The following CLASP1 variants were observed in gnomAD, a reference collection of about 807,000 sequenced individuals.
CLASP1 encodes the protein cytoplasmic linker associated protein 1, also known as CLIP-associating protein 1.
CLASP1 carries 38 observed loss-of-function variants against 192.3 expected under a neutral mutation model. The ratio of observed to expected loss-of-function variants is 0.20; its 90% CI spans 0.15 to 0.26. The LOEUF (loss-of-function observed/expected upper bound fraction) is 0.26. CLASP1 is among the 10% of genes least tolerant of loss of function. The probability of loss-of-function intolerance (pLI) is 1.00; values close to 1 mark genes in which losing one functional copy is unlikely to be tolerated. For missense variants in CLASP1, 1,433 were observed against 1,932.5 expected (o/e 0.74, Z 4.85); for synonymous variants, 691 against 712.8 (o/e 0.97, Z 0.49).
At chr2:121,427,707 G>A (rs75668206) in intron 20 of CLASP1, among the ~76,000 whole-genome samples, 1,734 of 152,246 alleles carry the variant, frequency 0.011, 49 homozygotes, top group Admixed American at 0.063. Context: ...CAACCTGAGG[G>A]AAGTGATTGT....
At chr2:121,526,639 A>C (rs1239521623) in intron 5 of CLASP1, among the ~76,000 whole-genome samples, 2 of 152,236 alleles carry the variant, frequency 1.3e-5, no homozygotes, top group Non-Finnish European at 2.9e-5. Context: ...TAAGATGGAA[A>C]AAATTTACAA....
At chr2:121,367,548 G>A (rs772833206) in intron 35 of CLASP1, 40 bp downstream of exon 36, 2 of 1,611,904 alleles carry the variant, frequency 1.2e-6, no homozygotes, top group African/African-American at 1.3e-5. Flanking sequence ...CACAAGGGAA[G>A]CACTTCTGGG....
rs2092367494 is a variant in CLASP1, at chr2:121,479,059, CA to C, written c.713-9100del. Among the ~76,000 whole-genome samples the C allele has an allele frequency of 1.3e-4, 11 of 84,232 alleles. 1 individual carries two copies. The highest frequency in any genetic ancestry group is 2.6e-4 in the African/African-American group (5 of 18,868). 55.3% of individuals were successfully genotyped at this position (84,232 alleles called of 152,430 possible). On this transcript the variant is annotated intron_variant, in intron 8 of 39. Transcript: ENST00000263710. ...CACACACACACACACCCCCCCCCCA[CA>C]CACACACACACACACCATCAACAAC...
At chr2:121,647,027 G>C (rs866948677) in intron 1 of CLASP1, among the ~76,000 whole-genome samples, 4 of 131,694 alleles carry the variant, frequency 3.0e-5, no homozygotes, top group Non-Finnish European at 6.3e-5. Context: ...GTAACATAGC[G>C]AGACTCCATC....
chr2:121,478,645 C>A (rs1291562998), intron 8 of CLASP1, among the ~76,000 whole-genome samples: 1,066 of 84,352 alleles, frequency 0.013, 37 homozygotes, highest in Admixed American at 0.092. Context: ...ACACACACAC[C>A]CCCCACACAC....
chr2:121,638,364 C>CTT (rs1161533261), intron 1 of CLASP1, among the ~76,000 whole-genome samples: 1 of 151,990 alleles, frequency 6.6e-6, no homozygotes, highest in Non-Finnish European at 1.5e-5. Context: ...AACCCTTGTA[C>CTT]ATTGCTAGTC....
intron 2 of CLASP1, chr2:121,530,922 A>AT (rs1559533853): frequency 4.3e-6 from 3 of 699,950 alleles, no homozygotes; most frequent in Non-Finnish European, 7.8e-6. Context: ...CAATGAGCGC[A>AT]TAGTGAGGGC....
intron 7 of CLASP1, among the ~76,000 whole-genome samples, chr2:121,514,722 TA>T (rs2094239491): frequency 6.6e-6 from 1 of 152,198 alleles, no homozygotes; most frequent in African/African-American, 2.4e-5. Context: ...ATGTTTGCCT[TA>T]GAGACATCAA....
rs1005346465 is a variant in CLASP1, at chr2:121,357,057, C to T, written c.4206+6115G>A. Among the ~76,000 whole-genome samples the T allele has an allele frequency of 1.3e-4, 20 of 152,190 alleles. 1 individual carries two copies. The highest frequency in any genetic ancestry group is 4.8e-4 in the African/African-American group (20 of 41,448). On this transcript the variant is annotated intron_variant, in intron 37 of 39. Coordinates refer to ENST00000263710, the Ensembl canonical transcript of CLASP1. ...TTGGCATTCTAATTCCGGTATCCAT[C>T]TCTAAAAACCCATGGCATTTCCTAG... is the stretch of plus-strand genomic sequence containing the variant.
intron 19 of CLASP1, among the ~76,000 whole-genome samples, chr2:121,437,073 C>T (rs1370107513): frequency 6.6e-6 from 1 of 152,180 alleles, no homozygotes; most frequent in Admixed American, 6.5e-5. Context: ...AGCGATCCCC[C>T]TGCCCCAGCC....
At position 121,528,636 on chromosome 2, in the gene CLASP1, G is replaced by A. The variant is rs372722523; in HGVS notation, c.378+41C>T. The A allele has an allele frequency of 2.1e-5, 32 of 1,516,404 alleles. No homozygotes were observed. The African/African-American group carries it at 2.7e-4, about 13-fold the overall frequency. The allele number at this position is 1,516,404 out of a possible 1,614,324, so 93.9% of individuals were successfully genotyped here. On this transcript the variant is annotated intron_variant, in intron 4 of 39. Transcript: ENST00000263710. ...CACACCCTCGCACGTGCATGCACGC[G>A]CACTGGCCAGCTGACCTCAAAACAC...
chr2:121,478,840 C>T (rs2092158623), intron 8 of CLASP1, among the ~76,000 whole-genome samples: 1 of 95,816 alleles, frequency 1.0e-5, no homozygotes, highest in Non-Finnish European at 1.9e-5. Flanking sequence ...CCACACACCA[C>T]ACACACACCA....
exon 3 of CLASP1, chr2:121,530,309 A>G: frequency 6.4e-7 from 1 of 1,551,458 alleles, no homozygotes; most frequent in Non-Finnish European, 8.7e-7. Flanking sequence ...CAGGATGTCC[A>G]TGCCCAGCAG....
intron 19 of CLASP1, among the ~76,000 whole-genome samples, chr2:121,436,164 T>C (rs532494044): frequency 6.6e-6 from 1 of 152,180 alleles, no homozygotes; most frequent in Admixed American, 6.5e-5. Flanking sequence ...CCCTAGTAGC[T>C]GGGATTACAG....
chr2:121,581,008 A>G (rs1232428397), intron 2 of CLASP1, among the ~76,000 whole-genome samples: 1 of 152,166 alleles, frequency 6.6e-6, no homozygotes, highest in African/African-American at 2.4e-5. Context: ...ATTCTCTCCT[A>G]TCTTAAACGT....
intron 8 of CLASP1, among the ~76,000 whole-genome samples, chr2:121,477,264 G>A (rs2091746464): frequency 6.6e-6 from 1 of 152,134 alleles, no homozygotes; most frequent in African/African-American, 2.4e-5. Flanking sequence ...ATTTGTGAAT[G>A]GATGAAAATC....
chr2:121,361,362 T>G (rs1379703225), intron 37 of CLASP1, among the ~76,000 whole-genome samples: 1 of 152,208 alleles, frequency 6.6e-6, no homozygotes, highest in Non-Finnish European at 1.5e-5. Flanking sequence ...CATTTTAATT[T>G]CATTTTTTGA....
rs2076198323 is a variant in CLASP1, at chr2:121,401,886, C to T, written c.2734-16G>A. ...AACTTACTCTCTGTTGTGAATTCCA[C>T]CGCAAACGAGGCCATGCAACAAAAC... is the stretch of plus-strand genomic sequence containing the variant. On this transcript the variant is annotated splice_polypyrimidine_tract_variant and intron_variant, in intron 26 of 39. Transcript: ENST00000263710. The T allele has an allele frequency of 1.4e-6, 1 of 714,316 alleles. No homozygotes were observed. Among genetic ancestry groups the T allele is most frequent in the East Asian group, 2.7e-5 (1 of 37,336 alleles). The allele number at this position is 714,316 out of a possible 1,614,324, so 44.2% of individuals were successfully genotyped here. A position where few individuals can be genotyped will look rare whatever the true frequency, so the allele number is the denominator to read the frequency against.
intron 8 of CLASP1, among the ~76,000 whole-genome samples, chr2:121,482,200 C>A (rs1197645962): frequency 1.3e-5 from 2 of 152,136 alleles, no homozygotes; most frequent in African/African-American, 4.8e-5. Flanking sequence ...TCTTCCTGAA[C>A]AGATGTAGCA....
Sources: gnomAD v4.1 joint callset for allele counts (sites outside exome capture counted in the v4.1 genomes callset) on GRCh38, gnomAD v4.1.1 for gene constraint, MANE v1.5 for transcripts, NCBI Gene and HGNC (gene_info 2026-07-23, HGNC 2026-07-21) for gene names.